Variants in SMARCA2 observed in about 807,000 individuals in gnomAD.
SMARCA2 encodes the protein SWI/SNF related BAF chromatin remodeling complex subunit ATPase 2.
A neutral mutation model predicts 199.8 loss-of-function variants in SMARCA2; 61 were observed. That is an observed-to-expected ratio of 0.31 (90% CI 0.25 to 0.38). SMARCA2 has a LOEUF of 0.38. Among genes scored for constraint, SMARCA2 ranks in the 10% least tolerant of loss-of-function variants. SMARCA2 has a pLI of 1.00. For synonymous variants in SMARCA2, 935 were observed against 732.0 expected (o/e 1.28, Z -4.48); for missense variants, 1,344 against 2,012.2 (o/e 0.67, Z 6.35).
At chr9:2,126,726 G>A (rs1311608699) in intron 27 of SMARCA2, among the ~76,000 whole-genome samples, 4 of 152,218 alleles carry the variant, frequency 2.6e-5, no homozygotes, top group Non-Finnish European at 4.4e-5. Context: ...GCATAGCATC[G>A]CAGAGCTGCA....
intron 9 of SMARCA2, among the ~76,000 whole-genome samples, chr9:2,063,125 T>C (rs1820676648): frequency 6.6e-6 from 1 of 152,136 alleles, no homozygotes; most frequent in African/African-American, 2.4e-5. Context: ...TCAGCAGGAC[T>C]AAGTCGGAGG....
Position 2,024,274 on chromosome 9 carries a change from G to A in SMARCA2, c.-36-4713G>A, listed in dbSNP as rs527759746. On this transcript the variant is annotated intron_variant, in intron 1 of 33. Coordinates refer to ENST00000349721, the MANE Select transcript of SMARCA2 (RefSeq NM_003070.5). ...ACTTTACCTAATTCCTTTCTCTCCT[G>A]TAACCTCTGAGCTAAAGGTAATGTC... 2.6e-5 allele frequency among the ~76,000 whole-genome samples: 4 copies of A among 152,152 alleles called. No individual in the cohort carries two copies. The South Asian group carries it at 8.3e-4, about 32-fold the overall frequency.
intron 27 of SMARCA2, among the ~76,000 whole-genome samples, chr9:2,152,160 T>G (rs1416136345): frequency 6.6e-6 from 1 of 152,200 alleles, no homozygotes; most frequent in Non-Finnish European, 1.5e-5. Flanking sequence ...TCCGTGAAAT[T>G]TCACCCCGAA....
At chr9:2,045,761 C>A (rs1819811027) in intron 4 of SMARCA2, 1 of 151,572 alleles carries the variant, frequency 6.6e-6, no homozygotes, top group African/African-American at 2.4e-5. Context: ...TCTTACCTTG[C>A]TCTGTATCTT....
chr9:2,149,492 C>A lies in SMARCA2; in HGVS notation c.3982-12194C>A, dbSNP rs1824944031. On this transcript the variant is annotated intron_variant, in intron 27 of 33. Coordinates refer to ENST00000349721, the MANE Select transcript of SMARCA2 (RefSeq NM_003070.5). ...CCACGAACATGCCATTGCACTCCAGCCTGGGCGACAGAGTGAGACTCCTCA... is the reference window on the plus strand; with the variant it reads ...CCACGAACATGCCATTGCACTCCAGACTGGGCGACAGAGTGAGACTCCTCA... Among the ~76,000 whole-genome samples the A allele has an allele frequency of 1.3e-5, 2 of 151,524 alleles. 1 individual carries two copies. Among genetic ancestry groups the A allele is most frequent in the Non-Finnish European group, 3.0e-5 (2 of 67,710 alleles).
intron 32 of SMARCA2, among the ~76,000 whole-genome samples, chr9:2,188,445 TTTTA>T (rs1292496772): frequency 3.3e-5 from 5 of 152,304 alleles, no homozygotes; most frequent in African/African-American, 7.2e-5. Context: ...TGATTCTGCC[TTTTA>T]TTTGTTATGA....
chr9:2,107,218 C>T (rs1586712381), intron 23 of SMARCA2, among the ~76,000 whole-genome samples: 1 of 152,174 alleles, frequency 6.6e-6, no homozygotes, highest in South Asian at 2.1e-4. Context: ...TAGCAAATTG[C>T]AAACCTTATG....
intron 27 of SMARCA2, among the ~76,000 whole-genome samples, chr9:2,150,306 TAA>T (rs746538303): frequency 2.0e-5 from 3 of 151,618 alleles, no homozygotes; most frequent in Non-Finnish European, 4.4e-5. Context: ...CTCAAATTCT[TAA>T]TAGAAGTGAA....
chr9:2,142,527 C>A (rs762049796), intron 27 of SMARCA2, among the ~76,000 whole-genome samples: 23 of 152,078 alleles, frequency 1.5e-4, no homozygotes, highest in Non-Finnish European at 2.6e-4. Context: ...AAGGGTGATT[C>A]CATTTTGGTT....
Position 2,047,355 on chromosome 9 carries a change from C to T in SMARCA2, c.917C>T (p.Ser306Leu). ...QPPAAAVPGP[S>L]VPQPAPGQPS... Reference sequence around the variant, plus strand: ...CCCGCGGCCGCAGTGCCCGGGCCCTCAGTGCCGCAGCCGGCCCCGGGGCAG... The same window carrying T: ...CCCGCGGCCGCAGTGCCCGGGCCCTTAGTGCCGCAGCCGGCCCCGGGGCAG... Residue 306 changes from serine (S) to leucine (L), a missense_variant, in exon 5 of 34, where the codon TCA becomes TTA. Physicochemically the swap from Ser to Leu is moderately radical, Grantham distance 145 (BLOSUM62 -2). Coordinates refer to ENST00000349721, the MANE Select transcript of SMARCA2 (RefSeq NM_003070.5). 5 of 1,475,010 alleles carry T rather than the reference C, an allele frequency of 3.4e-6. No individual in the cohort carries two copies. The highest frequency in any genetic ancestry group is 4.5e-6 in the Non-Finnish European group (5 of 1,107,576). The allele number at this position is 1,475,010 out of a possible 1,614,324, so 91.4% of individuals were successfully genotyped here.
chr9:2,139,442 G>A (rs923102010), intron 27 of SMARCA2, among the ~76,000 whole-genome samples: 1 of 152,194 alleles, frequency 6.6e-6, no homozygotes, highest in African/African-American at 2.4e-5. Flanking sequence ...GACTGGTCGA[G>A]TCACCAACAC....
intron 14 of SMARCA2, among the ~76,000 whole-genome samples, chr9:2,078,167 A>C (rs1821407801): frequency 6.6e-6 from 1 of 152,156 alleles, no homozygotes; most frequent in Non-Finnish European, 1.5e-5. Flanking sequence ...TACTACATTT[A>C]TGCTTTTTCT....
Position 2,189,986 on chromosome 9 carries a change from A to T in SMARCA2, c.4595-1280A>T, listed in dbSNP as rs549204358. 4.6e-5 allele frequency among the ~76,000 whole-genome samples: 7 copies of T among 152,334 alleles called. No homozygotes were observed. The East Asian group carries it at 1.3e-3, about 29-fold the overall frequency. On this transcript the variant is annotated intron_variant, in intron 32 of 33. Coordinates refer to ENST00000349721, the MANE Select transcript of SMARCA2 (RefSeq NM_003070.5). ...CTAGATGCCTTGAGACCCACCAAAC[A>T]TGGTAGTCTAGCAAAGCTAGCTTGA...
rs376305317 is a variant in SMARCA2 at position 2,170,503 on chromosome 9, T to C, written c.4253+31T>C. 6.2e-7 allele frequency: 1 copy of C among 1,613,762 alleles called. No individual in the cohort carries two copies. Among genetic ancestry groups the C allele is most frequent in the Non-Finnish European group, 8.5e-7 (1 of 1,179,846 alleles). ...GATCTGTCTTGTATTCCCCTATCTCTAAATACAGGTATCCCTCGTTACGTG... is the reference window on the plus strand; with the variant it reads ...GATCTGTCTTGTATTCCCCTATCTCCAAATACAGGTATCCCTCGTTACGTG... On this transcript the variant is annotated intron_variant, in intron 29 of 33. Transcript: ENST00000349721. This position sits in a 1 kb window ranked among gnomAD's most constrained non-coding sequence, Gnocchi z 4.7.
Position 2,110,489 on chromosome 9 carries a change from C to A in SMARCA2, c.3456+72C>A. ...CTAAAAGATGATCAGTTTCATTATT[C>A]ACATTTACAGGACAGAGCAAATATC... On this transcript the variant is annotated intron_variant, in intron 24 of 33. Transcript: ENST00000349721. The surrounding 1 kb of genome is among the most constrained non-coding windows in gnomAD (Gnocchi z 4.8). 7.9e-7 allele frequency: 1 copy of A among 1,269,902 alleles called. No individual in the cohort carries two copies. The allele number at this position is 1,269,902 out of a possible 1,614,324, so 78.7% of individuals were successfully genotyped here.
chr9:2,141,192 TA>T (rs33980667), intron 27 of SMARCA2, among the ~76,000 whole-genome samples: 87,901 of 151,794 alleles, frequency 0.58, 25,668 homozygotes, highest in African/African-American at 0.65. Flanking sequence ...TTTCTCTCAG[TA>T]TATCTACTAT....
chr9:2,029,450 T>C (rs1276216286), intron 2 of SMARCA2, among the ~76,000 whole-genome samples: 2 of 152,266 alleles, frequency 1.3e-5, no homozygotes, highest in African/African-American at 4.8e-5. Flanking sequence ...AGATCAGATG[T>C]TGGCTTTTTA....
rs1822657526 is a variant in SMARCA2, at chr9:2,104,285, G to A, written c.3292+116G>A. 1 of 935,590 alleles carries A rather than the reference G, an allele frequency of 1.1e-6. No homozygotes were observed. 58.0% of individuals were successfully genotyped at this position (935,590 alleles called of 1,614,324 possible). A position where few individuals can be genotyped will look rare whatever the true frequency, so the allele number is the denominator to read the frequency against. ...GGTAAAATTGAAGAATTGACTAGAAGCATTGGGAGCAGTTTTTCTAGATAG... is the reference window on the plus strand; with the variant it reads ...GGTAAAATTGAAGAATTGACTAGAAACATTGGGAGCAGTTTTTCTAGATAG... On this transcript the variant is annotated intron_variant, in intron 23 of 33. Transcript: ENST00000349721. The surrounding 1 kb of genome is among the most constrained non-coding windows in gnomAD (Gnocchi z 4.0).
chr9:2,149,475 ATG>A (rs1824943225), intron 27 of SMARCA2, among the ~76,000 whole-genome samples: 1 of 151,546 alleles, frequency 6.6e-6, no homozygotes, highest in Admixed American at 6.6e-5. Context: ...AGCCACGAAC[ATG>A]CCATTGCACT....
Sources: allele counts gnomAD v4.1 joint callset (sites outside exome capture counted in the v4.1 genomes callset), GRCh38; gene constraint gnomAD v4.1.1; non-coding constraint Gnocchi (gnomAD v3.1); transcripts MANE v1.5; gene names NCBI Gene and HGNC (gene_info 2026-07-23, HGNC 2026-07-21).